PLEKHB2: variants seen among roughly 807,000 people sequenced by gnomAD.
PLEKHB2 encodes the protein pleckstrin homology domain-containing family B member 2.
PLEKHB2 carries 31 observed loss-of-function variants against 36.5 expected under a neutral mutation model. That is an observed-to-expected ratio of 0.85 (90% CI 0.64 to 1.15). The LOEUF (loss-of-function observed/expected upper bound fraction) is 1.15, where lower values mean the gene tolerates loss of function less well. Ranked by LOEUF, PLEKHB2 falls within the 50% of genes most tolerant of loss-of-function variation. The pLI is 0.00. For synonymous variants in PLEKHB2, 119 were observed against 112.0 expected, an observed-to-expected ratio of 1.06 and a Z score of -0.39; for missense variants, 262 against 295.3, an observed-to-expected ratio of 0.89 and a Z score of 0.83.
intron 6 of PLEKHB2, among the ~76,000 whole-genome samples, chr2:131,139,622 C>T (rs1326241773): frequency 1.3e-5 from 2 of 152,304 alleles, no homozygotes; most frequent in Non-Finnish European, 1.5e-5. Flanking sequence ...GGGTCTGCTG[C>T]ATGTTTCTCG....
intron 5 of PLEKHB2, among the ~76,000 whole-genome samples, chr2:131,131,385 G>A (rs1391812780): frequency 6.6e-6 from 1 of 152,220 alleles, no homozygotes; most frequent in Non-Finnish European, 1.5e-5. Flanking sequence ...ACGCATGGGA[G>A]CTCAGCCTGT....
chr2:131,119,462 T>C (rs1381955256), intron 1 of PLEKHB2, among the ~76,000 whole-genome samples: 2 of 152,202 alleles, frequency 1.3e-5, no homozygotes, highest in African/African-American at 4.8e-5. Flanking sequence ...ATCTGTCCTG[T>C]GTGGAGGTAC....
chr2:131,130,587 C>G lies in PLEKHB2; in HGVS notation c.294-134C>G, dbSNP rs192351782. On this transcript the variant is annotated intron_variant, in intron 4 of 7. Transcript: ENST00000693505. Reference sequence around the variant, plus strand: ...AAATATATATTCCTAGTGCATGTCTCAAGTGGTTTGGGGCAAAGCCTGAAG... The same window carrying G: ...AAATATATATTCCTAGTGCATGTCTGAAGTGGTTTGGGGCAAAGCCTGAAG... 398 of 710,842 alleles carry G rather than the reference C, an allele frequency of 5.6e-4. 2 individuals are homozygous for G. In the African/African-American group the frequency reaches 5.8e-3, roughly 10 times the overall value. The allele number at this position is 710,842 out of a possible 1,614,324, so 44.0% of individuals were successfully genotyped here. A position where few individuals can be genotyped will look rare whatever the true frequency, so the allele number is the denominator to read the frequency against.
chr2:131,107,770 C>T (rs953731110), intron 1 of PLEKHB2: 3 of 152,210 alleles, frequency 2.0e-5, no homozygotes, highest in African/African-American at 4.8e-5. Flanking sequence ...TCAAGGGAGT[C>T]CCCTGCCTCT....
At chr2:131,142,591 G>A (rs1698907597) in intron 7 of PLEKHB2, among the ~76,000 whole-genome samples, 1 of 143,078 alleles carries the variant, frequency 7.0e-6, no homozygotes, top group Admixed American at 7.1e-5. Context: ...TTTTTTTTGA[G>A]ATGGAGTTTC....
chr2:131,119,098 T>A (rs2104823509), intron 1 of PLEKHB2: 1 of 147,506 alleles, frequency 6.8e-6, no homozygotes, highest in South Asian at 2.2e-4. Flanking sequence ...TTGCTAAAAA[T>A]ACAAAAATCA....
At chr2:131,144,784 C>T (rs1185364493) in intron 7 of PLEKHB2, among the ~76,000 whole-genome samples, 1 of 152,210 alleles carries the variant, frequency 6.6e-6, no homozygotes, top group Non-Finnish European at 1.5e-5. Context: ...GCCAGGGGAC[C>T]TCAGCATGAC....
intron 2 of PLEKHB2, among the ~76,000 whole-genome samples, chr2:131,122,153 C>A (rs1380775507): frequency 6.6e-6 from 1 of 152,012 alleles, no homozygotes; most frequent in Non-Finnish European, 1.5e-5. Flanking sequence ...CCTCGGCCTC[C>A]CAAAGTGCTG....
At chr2:131,127,029 G>A (rs1204480819) in intron 4 of PLEKHB2, 2 of 411,130 alleles carry the variant, frequency 4.9e-6, no homozygotes, top group African/African-American at 4.1e-5. Flanking sequence ...TCATCATGCT[G>A]TCTTTCATTA....
At chr2:131,133,936 A>G (rs1207210428) in intron 6 of PLEKHB2, among the ~76,000 whole-genome samples, 3 of 134,956 alleles carry the variant, frequency 2.2e-5, no homozygotes, top group South Asian at 2.3e-4. Context: ...GTCTTGCTCT[A>G]TCGCCCAGGC....
intron 1 of PLEKHB2, chr2:131,108,199 C>T (rs879931000): frequency 8.5e-5 from 13 of 152,200 alleles, no homozygotes; most frequent in South Asian, 2.1e-4. Context: ...TTGTCTGTTT[C>T]GATTCAATGC....
chr2:131,123,763 TCCACCCCCCCCACCCCCCCCC>T (rs1357853178), intron 2 of PLEKHB2, among the ~76,000 whole-genome samples: 1 of 21,042 alleles, frequency 4.8e-5, no homozygotes, highest in Non-Finnish European at 7.3e-5. Context: ...GACCTCCTGG[TCCACCCCCCCCACCCCCCCCC>T]CCGCCCCCCG....
chr2:131,113,521 T>A (rs2104790008), intron 1 of PLEKHB2, among the ~76,000 whole-genome samples: 1 of 152,304 alleles, frequency 6.6e-6, no homozygotes, highest in African/African-American at 2.4e-5. Context: ...TGCTCTGTAT[T>A]CCTATTTAAG....
chr2:131,133,943 A>G (rs2104919867), intron 6 of PLEKHB2, among the ~76,000 whole-genome samples: 1 of 139,614 alleles, frequency 7.2e-6, no homozygotes, highest in African/African-American at 2.7e-5. Context: ...TCTATCGCCC[A>G]GGCTGGAGTG....
chr2:131,121,028 C>T (rs1275020610), intron 2 of PLEKHB2, 50 bp downstream of exon 2: 1 of 1,578,144 alleles, frequency 6.3e-7, no homozygotes, highest in South Asian at 1.1e-5. Context: ...AGGGCAGTCT[C>T]TATTTCTGTT....
chr2:131,120,827 G>C, intron 1 of PLEKHB2, 107 bp from the exon 2 acceptor site: 1 of 1,116,940 alleles, frequency 9.0e-7, no homozygotes, highest in Non-Finnish European at 1.4e-6. Flanking sequence ...AAATGGCCTT[G>C]GGCCCTTCCT....
chr2:131,144,371 G>T, intron 7 of PLEKHB2: 1 of 1,138,768 alleles, frequency 8.8e-7, no homozygotes, highest in South Asian at 4.5e-5. Flanking sequence ...CTTTGAGTTG[G>T]CTCCTTTGGT....
intron 1 of PLEKHB2, among the ~76,000 whole-genome samples, chr2:131,106,692 G>C (rs1694771489): frequency 6.6e-6 from 1 of 151,980 alleles, no homozygotes; most frequent in Non-Finnish European, 1.5e-5. Context: ...AGCTTGTCTG[G>C]GCTTCCTTTG....
intron 1 of PLEKHB2, among the ~76,000 whole-genome samples, chr2:131,117,209 GA>G (rs1695973855): frequency 6.6e-6 from 1 of 152,150 alleles, no homozygotes; most frequent in Non-Finnish European, 1.5e-5. Context: ...CCAGCACTTT[GA>G]GAAGCTGAGG....
Sources: gnomAD v4.1 joint callset for allele counts (sites outside exome capture counted in the v4.1 genomes callset) on GRCh38, gnomAD v4.1.1 for gene constraint, MANE v1.5 for transcripts, NCBI Gene and HGNC (gene_info 2026-07-23, HGNC 2026-07-21) for gene names.